Variants in MORC3 observed in about 807,000 individuals in gnomAD.
The protein encoded by MORC3 is MORC family CW-type zinc finger 3, also known as MORC family CW-type zinc finger protein 3.
MORC3 carries 31 observed loss-of-function variants against 109.1 expected under a neutral mutation model. The ratio of observed to expected loss-of-function variants is 0.28; its 90% CI spans 0.21 to 0.38. The LOEUF is 0.38. Ranked by LOEUF, MORC3 falls within the 10% of genes least tolerant of loss-of-function variation. MORC3 has a pLI of 1.00. For missense variants in MORC3, 867 were observed against 1,135.8 expected (o/e 0.76, Z 3.40); for synonymous variants, 395 against 380.7 (o/e 1.04, Z -0.44).
chr21:36,331,136 TG>T (rs145218107), intron 1 of MORC3, among the ~76,000 whole-genome samples: 4,015 of 152,274 alleles, frequency 0.026, 160 homozygotes, highest in African/African-American at 0.088. Context: ...ACTACAGATG[TG>T]GTTGGCTTGA....
chr21:36,342,824 GC>G (rs904411247), intron 6 of MORC3, among the ~76,000 whole-genome samples: 4 of 151,786 alleles, frequency 2.6e-5, no homozygotes, highest in African/African-American at 7.2e-5. Context: ...TTGGAGACCA[GC>G]CTGGCCAACA....
At chr21:36,337,986 G>A (rs758944015) in intron 4 of MORC3, 40 bp downstream of exon 4, 2 of 1,590,496 alleles carry the variant, frequency 1.3e-6, no homozygotes, top group Non-Finnish European at 1.7e-6. Context: ...TGGAGAAACT[G>A]AAGAAATAAT....
intron 13 of MORC3, among the ~76,000 whole-genome samples, chr21:36,362,707 T>C (rs549305350): frequency 6.6e-6 from 1 of 152,146 alleles, no homozygotes; most frequent in East Asian, 2.0e-4. Context: ...GTGTCTTATA[T>C]TGTGTAGTGC....
chr21:36,365,984 T>C (rs765874999), intron 14 of MORC3, among the ~76,000 whole-genome samples: 3 of 152,212 alleles, frequency 2.0e-5, no homozygotes, highest in Non-Finnish European at 2.9e-5. Context: ...TTTTTGGCTT[T>C]TCTTTGTAAG....
chr21:36,331,796 A>C (rs1047120378), intron 1 of MORC3, among the ~76,000 whole-genome samples: 4 of 152,196 alleles, frequency 2.6e-5, no homozygotes, highest in Non-Finnish European at 5.9e-5. Context: ...CATTGCGTTC[A>C]AACGAAAAAC....
At chr21:36,372,287 C>A in intron 15 of MORC3, 87 bp from the exon 16 acceptor site, 1 of 1,163,590 alleles carries the variant, frequency 8.6e-7, no homozygotes, top group Non-Finnish European at 1.2e-6. Flanking sequence ...TGTTATCAAG[C>A]AGGTTCTCTA....
At chr21:36,366,864 G>A (rs1362324438) in intron 14 of MORC3, among the ~76,000 whole-genome samples, 1 of 152,156 alleles carries the variant, frequency 6.6e-6, no homozygotes, top group African/African-American at 2.4e-5. Flanking sequence ...GTAAGAAAAA[G>A]AATAGAGTAA....
At position 36,369,216 on chromosome 21, in the gene MORC3, T is replaced by C; in HGVS notation, c.1848T>C (p.Ser616=). 6.2e-7 allele frequency: 1 copy of C among 1,614,166 alleles called. No homozygotes were observed. Among genetic ancestry groups the C allele is most frequent in the African/African-American group, 1.3e-5 (1 of 75,044 alleles). ...GGVQVEFVGD[S]EPCGQTGSTS... ...TTCAGGTTGAGTTTGTGGGTGACAG[T>C]GAACCTTGTGGCCAGACTGGTTCAA... is the stretch of plus-strand genomic sequence containing the variant. The change falls in exon 15 of 17, where the codon AGT becomes AGC. Residue 616 remains serine, a synonymous_variant. Coordinates refer to ENST00000400485, the MANE Select transcript of MORC3 (RefSeq NM_015358.3).
chr21:36,337,150 A>T, intron 3 of MORC3, 144 bp downstream of exon 3: 1 of 964,742 alleles, frequency 1.0e-6, no homozygotes, highest in South Asian at 2.0e-5. Context: ...ATGATTTTCT[A>T]CTACTGGTAG....
Position 36,369,349 on chromosome 21 carries a change from G to C in MORC3, c.1981G>C (p.Val661Leu), listed in dbSNP as rs770659896. The C allele has an allele frequency of 1.2e-6, 2 of 1,614,152 alleles. No homozygotes were observed. The highest frequency in any genetic ancestry group is 2.2e-5 in the East Asian group (1 of 44,882). ...AGAAACTGTTGAAGACGAGATAGAC[G>C]TAAGAAATGATGCAGTGATTCTGCC... ...KEETVEDEID[V>L]RNDAVILPSC... The change falls in exon 15 of 17, where the codon GTA becomes CTA. Residue 661 changes from valine to leucine, a missense_variant. Coordinates refer to ENST00000400485, the MANE Select transcript of MORC3 (RefSeq NM_015358.3).
chr21:36,362,271 G>C (rs550660329), intron 13 of MORC3, 43 bp downstream of exon 13: 39 of 1,557,378 alleles, frequency 2.5e-5, no homozygotes, highest in African/African-American at 1.1e-4. Flanking sequence ...AAATAGAGAT[G>C]GGGGCTGACA....
At chr21:36,345,686 C>G (rs1601523781) in intron 8 of MORC3, among the ~76,000 whole-genome samples, 1 of 152,094 alleles carries the variant, frequency 6.6e-6, no homozygotes, top group African/African-American at 2.4e-5. Flanking sequence ...TCCCAAAGTT[C>G]TGGGATTACA....
At position 36,338,833 on chromosome 21, in the gene MORC3, C is replaced by T. The variant is rs373463099; in HGVS notation, c.520C>T (p.Leu174=). ...CCTTGCTGCAATTCTGGAACATTCT[C>T]TGTTTTCCACGGAACAGAAGTTACT... is the stretch of plus-strand genomic sequence containing the variant. ...ASLAAILEHS[L]FSTEQKLLAE... Residue 174 remains leucine, a synonymous_variant, in exon 5 of 17, where the codon CTG becomes TTG. Coordinates refer to ENST00000400485, the MANE Select transcript of MORC3 (RefSeq NM_015358.3). The T allele has an allele frequency of 1.9e-6, 3 of 1,614,012 alleles. No individual in the cohort carries two copies. The highest frequency in any genetic ancestry group is 2.5e-6 in the Non-Finnish European group (3 of 1,179,922).
chr21:36,351,407 T>G (rs764352993), intron 9 of MORC3, among the ~76,000 whole-genome samples: 2 of 152,110 alleles, frequency 1.3e-5, no homozygotes, highest in African/African-American at 2.4e-5. Flanking sequence ...TCTTATTCCT[T>G]CTAATTAACT....
intron 1 of MORC3, among the ~76,000 whole-genome samples, chr21:36,325,288 C>T (rs538227122): frequency 6.8e-4 from 103 of 152,238 alleles, no homozygotes; most frequent in Non-Finnish European, 1.2e-3. Flanking sequence ...TTGCTAAGAA[C>T]CAAATAGAAC....
rs1346689464 is a variant in MORC3, at chr21:36,340,277, C to CAAA, written c.609-1107_609-1105dup. On this transcript the variant is annotated intron_variant, in intron 5 of 16. Transcript: ENST00000400485. ...TGGGCGAAAGAGCGAGACTCTGTCT[C>CAAA]AAAAAAAAAAAAAAAAACTATAGTA... is the stretch of plus-strand genomic sequence containing the variant. 3.0e-4 allele frequency among the ~76,000 whole-genome samples: 27 copies of CAAA among 90,198 alleles called. 1 individual carries two copies. Among genetic ancestry groups the CAAA allele is most frequent in the East Asian group, 2.0e-3 (7 of 3,568 alleles). The allele number at this position is 90,198 out of a possible 152,430, so 59.2% of individuals were successfully genotyped here.
At position 36,369,624 on chromosome 21, in the gene MORC3, T is replaced by G; in HGVS notation, c.2256T>G (p.Ala752=). 1 of 1,614,230 alleles carries G rather than the reference T, an allele frequency of 6.2e-7. No homozygotes were observed. Residue 752 remains alanine (A), a synonymous_variant, in exon 15 of 17, where the codon GCT becomes GCG. Transcript: ENST00000400485. ...GCCATCAGTCCACTGAAACCGATGC[T>G]GTATTTTTACTTGAAAGTATTAATG... ...ETCHQSTETD[A]VFLLESINGK... is the part of the protein sequence containing the mutation.
chr21:36,370,637 ATATTTTTTTTTT>A (rs1269022698), intron 15 of MORC3, among the ~76,000 whole-genome samples: 259 of 28,632 alleles, frequency 9.0e-3, no homozygotes, highest in South Asian at 0.022. Context: ...ATATATATAT[ATATTTTTTTTTT>A]TTTTTTTTTT....
intron 3 of MORC3, 152 bp from the exon 4 acceptor site, chr21:36,337,580 T>C: frequency 2.1e-6 from 1 of 483,246 alleles, no homozygotes; most frequent in African/African-American, 2.0e-5. Flanking sequence ...CCCAAGATTA[T>C]ACAGCTAGGA....
Sources: gnomAD v4.1 joint callset for allele counts (sites outside exome capture counted in the v4.1 genomes callset) on GRCh38, gnomAD v4.1.1 for gene constraint, MANE v1.5 for transcripts, NCBI Gene and HGNC (gene_info 2026-07-23, HGNC 2026-07-21) for gene names.